The following DMBT1 variants were observed in gnomAD, a reference collection of about 807,000 sequenced individuals.
DMBT1 encodes the protein deleted in malignant brain tumors 1, also known as scavenger receptor cysteine-rich domain-containing protein DMBT1.
DMBT1 carries 198 observed loss-of-function variants against 252.9 expected under a neutral mutation model. That is an observed-to-expected ratio of 0.78 (90% CI 0.70 to 0.88). DMBT1 has a LOEUF of 0.88. Ranked by LOEUF, DMBT1 falls within the 40% of genes least tolerant of loss-of-function variation. The pLI is 0.00. For missense variants in DMBT1, 2,432 were observed against 2,404.7 expected (o/e 1.01, Z -0.24); for synonymous variants, 990 against 942.7 (o/e 1.05, Z -0.92).
At chr10:122,566,817 A>C (rs2097598111) in intron 2 of DMBT1, among the ~76,000 whole-genome samples, 1 of 152,202 alleles carries the variant, frequency 6.6e-6, no homozygotes, top group African/African-American at 2.4e-5. Flanking sequence ...TTCCAAGAAC[A>C]CTTTGAGGTA....
rs762724230 is a variant in DMBT1 at position 122,599,070 on chromosome 10, A to C, written c.3253A>C (p.Ser1085Arg). ...NGWLSHNCGH[S>R]EDAGVICSAS... ...CTGGCTCTCCCACAACTGTGGCCAT[A>C]GTGAAGACGCTGGTGTCATCTGCTC... The change falls in exon 26 of 56, where the codon AGT (serine) becomes CGT (arginine). Residue 1085 changes from serine to arginine, a missense_variant. Ser to Arg is a moderately radical substitution (Grantham distance 110). Transcript: ENST00000338354. 85 of 1,613,720 alleles carry C rather than the reference A, an allele frequency of 5.3e-5. No individual in the cohort carries two copies. Among genetic ancestry groups the C allele is most frequent in the Admixed American group, 6.7e-5 (4 of 59,998 alleles).
chr10:122,587,606 G>A (rs1386846001), intron 16 of DMBT1, among the ~76,000 whole-genome samples: 2 of 148,304 alleles, frequency 1.3e-5, no homozygotes, highest in African/African-American at 4.9e-5. Flanking sequence ...GAGTGGGTTG[G>A]TTTTGTGTCA....
chr10:122,637,418 T>C, intron 54 of DMBT1, 106 bp downstream of exon 54: 1 of 1,259,524 alleles, frequency 7.9e-7, no homozygotes, highest in Non-Finnish European at 1.1e-6. Context: ...GATTTTGGGA[T>C]AATCAGGACA....
At position 122,618,051 on chromosome 10, in the gene DMBT1, T is replaced by A. The variant is rs762901314; in HGVS notation, c.4926T>A (p.Asn1642Lys). Reference protein sequence around the residue: ...SESTLALRLVNGGDRCRGRVE... With the variant: ...SESTLALRLVKGGDRCRGRVE... Reference sequence around the variant, plus strand: ...CCACTTTGGCCCTGAGACTGGTGAATGGAGGTGACAGGTGTCGAGGCCGAG... The same window carrying A: ...CCACTTTGGCCCTGAGACTGGTGAAAGGAGGTGACAGGTGTCGAGGCCGAG... The change falls in exon 41 of 56, where the codon AAT (asparagine) becomes AAA (lysine). Residue 1642 changes from asparagine to lysine, a missense_variant. Transcript: ENST00000338354. The A allele has an allele frequency of 2.9e-5, 46 of 1,613,308 alleles. 2 individuals carry two copies. The Admixed American group carries it at 7.7e-4, about 27-fold the overall frequency.
At chr10:122,579,182 C>G (rs924466819) in intron 9 of DMBT1, among the ~76,000 whole-genome samples, 8 of 152,110 alleles carry the variant, frequency 5.3e-5, no homozygotes, top group African/African-American at 1.9e-4. Flanking sequence ...GGGGGTCTCC[C>G]TAATCCTATG....
chr10:122,593,643 C>T lies in DMBT1; in HGVS notation c.2530+45C>T, dbSNP rs761234987. On this transcript the variant is annotated intron_variant, in intron 21 of 55. Coordinates refer to ENST00000338354, the MANE Select transcript of DMBT1 (RefSeq NM_001377530.1). ...CCTCAAAATGTCCCTTCTCTTTCTGCCCAATCACCCCTTCCACACTCCACA... is the reference window on the plus strand; with the variant it reads ...CCTCAAAATGTCCCTTCTCTTTCTGTCCAATCACCCCTTCCACACTCCACA... 4.5e-6 allele frequency: 7 copies of T among 1,555,396 alleles called. No individual in the cohort carries two copies. In the Admixed American group the frequency reaches 8.6e-5, roughly 19 times the overall value.
chr10:122,590,003 A>G (rs1159271883), intron 17 of DMBT1, among the ~76,000 whole-genome samples: 1 of 148,462 alleles, frequency 6.7e-6, no homozygotes, highest in African/African-American at 2.4e-5. Flanking sequence ...TGAAAGGTTT[A>G]GGTGAGGGTG....
At chr10:122,630,026 A>G in intron 47 of DMBT1, 33 bp downstream of exon 47, 1 of 1,612,238 alleles carries the variant, frequency 6.2e-7, no homozygotes, top group Non-Finnish European at 8.5e-7. Flanking sequence ...GTGAGGGGTG[A>G]GTTCCTCTGC....
chr10:122,573,908 G>A, intron 6 of DMBT1, 146 bp downstream of exon 6: 3 of 978,764 alleles, frequency 3.1e-6, no homozygotes, highest in Non-Finnish European at 3.2e-6. Context: ...CCTCAGGTCT[G>A]AACAGGTATA....
Position 122,585,504 on chromosome 10 carries a change from T to A in DMBT1, c.1459+195T>A, listed in dbSNP as rs532758759. On this transcript the variant is annotated intron_variant, in intron 15 of 55. Coordinates refer to ENST00000338354, the MANE Select transcript of DMBT1 (RefSeq NM_001377530.1). The stretch of plus-strand genomic sequence containing the variant: ...TGGAGGCTGGAGGGTGCTGGTGACT[T>A]TTCTCCCGTGGAATCCTGTTCCAAG... Among the ~76,000 whole-genome samples, 6 of 147,814 alleles carry A rather than the reference T, an allele frequency of 4.1e-5. 1 individual carries two copies. Among genetic ancestry groups the A allele is most frequent in the South Asian group, 4.7e-4 (2 of 4,296 alleles).
rs1321705446 is a variant in DMBT1 at position 122,560,824 on chromosome 10, A to G, written c.54A>G (p.Leu18=). 1.3e-6 allele frequency: 2 copies of G among 1,567,162 alleles called. No homozygotes were observed. Among genetic ancestry groups the G allele is most frequent in the South Asian group, 1.2e-5 (1 of 85,098 alleles). The change falls in exon 1 of 56, where the codon CTA becomes CTG. Residue 18 remains leucine (L), a synonymous_variant. Coordinates refer to ENST00000338354, the MANE Select transcript of DMBT1 (RefSeq NM_001377530.1). ...TGTGTCTTTTATGGGGACAAGTTCT[A>G]TCTACAGGTATTACGTTTAATTATT... ...LEMCLLWGQV[L]STGGWIPRTT... is the part of the protein sequence containing the mutation.
At chr10:122,576,818 G>T in intron 7 of DMBT1, 96 bp downstream of exon 7, 1 of 1,492,212 alleles carries the variant, frequency 6.7e-7, no homozygotes, top group Middle Eastern at 1.8e-4. Flanking sequence ...CTTGAGCTCA[G>T]GCGTTCAAGA....
At chr10:122,631,897 T>A (rs1377981279) in intron 50 of DMBT1, 22 bp downstream of exon 50, 1 of 1,612,970 alleles carries the variant, frequency 6.2e-7, no homozygotes, top group African/African-American at 1.3e-5. Flanking sequence ...CGATTTCCAT[T>A]CCACTTCCCT....
At chr10:122,572,648 A>G (rs1162770822) in intron 5 of DMBT1, among the ~76,000 whole-genome samples, 2 of 145,664 alleles carry the variant, frequency 1.4e-5, no homozygotes, top group Non-Finnish European at 3.0e-5. Flanking sequence ...TTCATAGACA[A>G]TGAAGGCCAA....
In DMBT1 at chr10:122,630,967, C is replaced by T. The variant is rs754150614; in HGVS notation, c.6032C>T (p.Thr2011Ile). ...AWYNSFPSDA[T>I]LRLVNLNSSY... ...CAGTTAATGTGTCTTTCAGATGCCACCTTGAGGTTGGTCAATTTAAATTCA... is the reference window on the plus strand; with the variant it reads ...CAGTTAATGTGTCTTTCAGATGCCATCTTGAGGTTGGTCAATTTAAATTCA... The change falls in exon 49 of 56, where the codon ACC becomes ATC. Residue 2011 changes from threonine (T) to isoleucine (I), a missense_variant. This residue lies in a region of DMBT1 where 1,162 missense variants were observed against 1,169.0 expected (regional missense o/e 0.99). Transcript: ENST00000338354. 6.4e-5 allele frequency: 103 copies of T among 1,597,774 alleles called. 1 individual carries two copies. In the Admixed American group the frequency reaches 1.6e-3, roughly 24 times the overall value.
At chr10:122,587,314 C>T (rs1207663831) in intron 16 of DMBT1, among the ~76,000 whole-genome samples, 2 of 148,432 alleles carry the variant, frequency 1.3e-5, no homozygotes, top group African/African-American at 2.4e-5. Context: ...AAGGAGGCAT[C>T]AGACCGGAAA....
Position 122,591,614 on chromosome 10 carries a change from G to C in DMBT1, c.2176+97G>C, listed in dbSNP as rs1158244902. On this transcript the variant is annotated intron_variant, in intron 19 of 55. Transcript: ENST00000338354. Reference sequence around the variant, plus strand: ...AGGATGAGGGTCAAGGTGGGCCCCTGTCTTTTTCACATCCCTGTGCGCTGA... The same window carrying C: ...AGGATGAGGGTCAAGGTGGGCCCCTCTCTTTTTCACATCCCTGTGCGCTGA... 4 of 1,333,042 alleles carry C rather than the reference G, an allele frequency of 3.0e-6. No homozygotes were observed. In the East Asian group the frequency reaches 1.0e-4, roughly 33 times the overall value. The allele number at this position is 1,333,042 out of a possible 1,614,324, so 82.6% of individuals were successfully genotyped here.
At chr10:122,626,202 G>T (rs565781062) in intron 46 of DMBT1, among the ~76,000 whole-genome samples, 5 of 152,184 alleles carry the variant, frequency 3.3e-5, no homozygotes, top group African/African-American at 1.2e-4. Context: ...GAGGAAGAAG[G>T]GAGACAAATA....
intron 44 of DMBT1, among the ~76,000 whole-genome samples, chr10:122,623,725 A>G (rs1248654316): frequency 2.0e-5 from 3 of 152,214 alleles, no homozygotes; most frequent in Non-Finnish European, 2.9e-5. Context: ...GCTTCATTTT[A>G]TAGATACTAA....
Sources: gnomAD v4.1 joint callset for allele counts (sites outside exome capture counted in the v4.1 genomes callset) on GRCh38, gnomAD v4.1.1 for gene constraint, gnomAD v4.1.1 regional missense constraint, MANE v1.5 for transcripts, NCBI Gene and HGNC (gene_info 2026-07-23, HGNC 2026-07-21) for gene names.